The following SH3PXD2A variants were observed in gnomAD, a reference collection of about 807,000 sequenced individuals.
The protein encoded by SH3PXD2A is SH3 and PX domains 2A, also known as SH3 and PX domain-containing protein 2A.
SH3PXD2A carries 32 observed loss-of-function variants against 115.2 expected under a neutral mutation model. That is an observed-to-expected ratio of 0.28 (90% confidence interval 0.21 to 0.37). The LOEUF is 0.37. Among genes scored for constraint, SH3PXD2A ranks in the 10% least tolerant of loss-of-function variants. The pLI is 1.00. For synonymous variants in SH3PXD2A, 610 were observed against 629.1 expected (o/e 0.97, Z 0.45); for missense variants, 1,328 against 1,498.7 (o/e 0.89, Z 1.88).
chr10:103,814,402 A>T (rs2039302470), intron 1 of SH3PXD2A, among the ~76,000 whole-genome samples: 1 of 152,208 alleles, frequency 6.6e-6, no homozygotes, highest in Admixed American at 6.5e-5. Context: ...TCAAATATTT[A>T]AAGGACTGTC....
intron 3 of SH3PXD2A, among the ~76,000 whole-genome samples, chr10:103,761,960 G>T (rs1329831582): frequency 6.6e-6 from 1 of 151,382 alleles, no homozygotes; most frequent in African/African-American, 2.4e-5. Flanking sequence ...TGGAGGGAAG[G>T]TATGCAGAGT....
chr10:103,826,145 G>A (rs551095815), intron 1 of SH3PXD2A, among the ~76,000 whole-genome samples: 1 of 152,264 alleles, frequency 6.6e-6, no homozygotes, highest in East Asian at 1.9e-4. Context: ...GAGAAATCTT[G>A]TAAATTAAAC....
rs560465001 is a variant in SH3PXD2A, at chr10:103,762,438, TCTCC to T, written c.229+4652_229+4655del. 9.9e-5 allele frequency among the ~76,000 whole-genome samples: 15 copies of T among 152,216 alleles called. No homozygotes were observed. The East Asian group carries it at 2.9e-3, about 29-fold the overall frequency. ...AAGGCCAGCAAAAGAGATGGGTGTG[TCTCC>T]CTCAGTCTCACATAATACGGGGTTT... On this transcript the variant is annotated intron_variant, in intron 3 of 14. Coordinates refer to ENST00000369774, the MANE Select transcript of SH3PXD2A (RefSeq NM_001394015.1).
chr10:103,618,150 G>A (rs2036548202), intron 10 of SH3PXD2A, among the ~76,000 whole-genome samples: 3 of 152,168 alleles, frequency 2.0e-5, no homozygotes, highest in Admixed American at 6.5e-5. Flanking sequence ...AGGTCCTCCC[G>A]AGGTGCTGGG....
At chr10:103,668,890 C>A (rs974130865) in intron 6 of SH3PXD2A, among the ~76,000 whole-genome samples, 1 of 152,218 alleles carries the variant, frequency 6.6e-6, no homozygotes, top group Non-Finnish European at 1.5e-5. Context: ...ATGAGGTGTC[C>A]GCCGAAATGC....
chr10:103,782,827 C>CAAAAAAAAA (rs1177829829), intron 2 of SH3PXD2A, among the ~76,000 whole-genome samples: 1 of 45,382 alleles, frequency 2.2e-5, no homozygotes. Flanking sequence ...TCCATCTCTC[C>CAAAAAAAAA]AAAAAAAAAA....
At chr10:103,799,531 C>T (rs1374739761) in intron 2 of SH3PXD2A, among the ~76,000 whole-genome samples, 1 of 152,262 alleles carries the variant, frequency 6.6e-6, no homozygotes, top group Non-Finnish European at 1.5e-5. Context: ...TTTCCACACA[C>T]AGGGAATGAG....
chr10:103,794,153 A>C (rs1236573042), intron 2 of SH3PXD2A, among the ~76,000 whole-genome samples: 2 of 152,122 alleles, frequency 1.3e-5, no homozygotes, highest in Non-Finnish European at 2.9e-5. Context: ...GCTGTTGGGG[A>C]GCTGGAAAGT....
chr10:103,659,009 C>T (rs1232528806), intron 8 of SH3PXD2A, among the ~76,000 whole-genome samples: 2 of 152,224 alleles, frequency 1.3e-5, no homozygotes, highest in Admixed American at 1.3e-4. Flanking sequence ...CTGCTCTGGC[C>T]ACGGGTGGCC....
At chr10:103,852,571 A>G (rs1842906332) in intron 1 of SH3PXD2A, among the ~76,000 whole-genome samples, 1 of 152,180 alleles carries the variant, frequency 6.6e-6, no homozygotes, top group Non-Finnish European at 1.5e-5. Context: ...TTTCCAGAAC[A>G]CAGGCAATGG....
chr10:103,803,226 A>G (rs562482723), intron 1 of SH3PXD2A, among the ~76,000 whole-genome samples: 2 of 152,308 alleles, frequency 1.3e-5, no homozygotes. Flanking sequence ...TGCCACCCAG[A>G]GATGGGGCAT....
At chr10:103,693,106 G>A (rs748596605) in intron 5 of SH3PXD2A, 50 bp from the exon 6 acceptor site, 4 of 1,574,126 alleles carry the variant, frequency 2.5e-6, no homozygotes, top group South Asian at 1.1e-5. Flanking sequence ...GGGCGCGAGC[G>A]CGGGGCTGCA....
chr10:103,614,168 T>A (rs529514008), intron 11 of SH3PXD2A, among the ~76,000 whole-genome samples: 2 of 151,816 alleles, frequency 1.3e-5, no homozygotes, highest in East Asian at 3.9e-4. Context: ...GGTGGGAGGA[T>A]TGCTTGAGCC....
At chr10:103,843,581 T>C (rs968020152) in intron 1 of SH3PXD2A, among the ~76,000 whole-genome samples, 1 of 152,196 alleles carries the variant, frequency 6.6e-6, no homozygotes, top group African/African-American at 2.4e-5. Flanking sequence ...TCTGTTCCTA[T>C]AGCAAGCTTG....
Position 103,678,216 on chromosome 10 carries a change from G to C in SH3PXD2A, c.428-9564C>G. On this transcript the variant is annotated intron_variant, in intron 6 of 14. Transcript: ENST00000369774. ...CCCATGGTGTTTGCTGGGAGCCCCTGAGCCTTTCCTTACCCCATCCCTCCC... is the reference window on the plus strand; with the variant it reads ...CCCATGGTGTTTGCTGGGAGCCCCTCAGCCTTTCCTTACCCCATCCCTCCC... The C allele has an allele frequency of 2.5e-6, 3 of 1,202,860 alleles. No individual in the cohort carries two copies. The Admixed American group carries it at 6.9e-5, about 28-fold the overall frequency. 74.5% of individuals were successfully genotyped at this position (1,202,860 alleles called of 1,614,324 possible). A position where few individuals can be genotyped will look rare whatever the true frequency, so the allele number is the denominator to read the frequency against.
rs1474139381 is a variant in SH3PXD2A, at chr10:103,784,898, C to T, written c.153+16384G>A. Among the ~76,000 whole-genome samples the T allele has an allele frequency of 5.3e-5, 8 of 152,206 alleles. No individual in the cohort carries two copies. In the South Asian group the frequency reaches 6.2e-4, roughly 12 times the overall value. ...GCTTACACGCAGAGACACCTGGGAGCGGCAGCCTACTAGGCGTGTCTGCTT... is the reference window on the plus strand; with the variant it reads ...GCTTACACGCAGAGACACCTGGGAGTGGCAGCCTACTAGGCGTGTCTGCTT... On this transcript the variant is annotated intron_variant, in intron 2 of 14. Transcript: ENST00000369774. This position sits in a 1 kb window ranked among gnomAD's most constrained non-coding sequence, Gnocchi z 4.4.
chr10:103,678,986 G>A (rs1182568808), intron 6 of SH3PXD2A, among the ~76,000 whole-genome samples: 1 of 152,226 alleles, frequency 6.6e-6, no homozygotes. Flanking sequence ...CTATGAAAGA[G>A]ATGCCCCACA....
chr10:103,791,331 AC>A (rs2039034207), intron 2 of SH3PXD2A, among the ~76,000 whole-genome samples: 1 of 152,196 alleles, frequency 6.6e-6, no homozygotes, highest in Admixed American at 6.5e-5. Context: ...CCCTGTGAAC[AC>A]CGTGAATACC....
rs149086008 is a variant in SH3PXD2A at position 103,694,974 on chromosome 10, C to T, written c.399-1918G>A. ...TGTGCCCCCCAAAAGCTCAACTGTGCAGGGAATTCCTGAGAGGAGGAGGAG... is the reference window on the plus strand; with the variant it reads ...TGTGCCCCCCAAAAGCTCAACTGTGTAGGGAATTCCTGAGAGGAGGAGGAG... On this transcript the variant is annotated intron_variant, in intron 5 of 14. Coordinates refer to ENST00000369774, the MANE Select transcript of SH3PXD2A (RefSeq NM_001394015.1). Among the ~76,000 whole-genome samples, 351 of 152,312 alleles carry T rather than the reference C, an allele frequency of 2.3e-3. 3 individuals carry two copies. Among genetic ancestry groups the T allele is most frequent in the African/African-American group, 8.0e-3 (333 of 41,562 alleles).
Sources: allele counts gnomAD v4.1 joint callset (sites outside exome capture counted in the v4.1 genomes callset), GRCh38; gene constraint gnomAD v4.1.1; non-coding constraint Gnocchi (gnomAD v3.1); transcripts MANE v1.5; gene names NCBI Gene and HGNC (gene_info 2026-07-23, HGNC 2026-07-21).